RBFOX1: variants seen among roughly 807,000 people sequenced by gnomAD.
RBFOX1 encodes the protein RNA binding protein fox-1 homolog 1.
A neutral mutation model predicts 57.7 loss-of-function variants in RBFOX1; 8 were observed. The ratio of observed to expected loss-of-function variants is 0.14; its 90% CI spans 0.08 to 0.25. RBFOX1 has a LOEUF of 0.25. Among genes scored for constraint, RBFOX1 ranks in the 10% least tolerant of loss-of-function variants. RBFOX1 has a pLI of 1.00. For missense variants in RBFOX1, 611 were observed against 548.5 expected, an observed-to-expected ratio of 1.11 and a Z score of -1.14; for synonymous variants, 326 against 222.4, an observed-to-expected ratio of 1.47 and a Z score of -4.15.
At chr16:6,802,619 G>T (rs950916668) in intron 3 of RBFOX1, among the ~76,000 whole-genome samples, 1 of 152,214 alleles carries the variant, frequency 6.6e-6, no homozygotes, top group Non-Finnish European at 1.5e-5. Flanking sequence ...CGAGATTGCA[G>T]TGAGTTGAGA....
chr16:5,239,990 T>A, exon 1 of RBFOX1: 1 of 1,530,390 alleles, frequency 6.5e-7, no homozygotes, highest in Non-Finnish European at 8.7e-7. Context: ...GAGAAGAGGC[T>A]GCGGCTGGGG....
Position 6,519,852 on chromosome 16 carries a change from G to C in RBFOX1, c.-63-134751G>C, listed in dbSNP as rs535467093. Among the ~76,000 whole-genome samples, 4 of 152,194 alleles carry C rather than the reference G, an allele frequency of 2.6e-5. No individual in the cohort carries two copies. In the South Asian group the frequency reaches 6.2e-4, roughly 24 times the overall value. ...ATTTCATAGGACTGAGGGTTAGCAA[G>C]ATGAAAGGACTTAACCAGAACTAAG... On this transcript the variant is annotated intron_variant, in intron 2 of 15. Coordinates refer to ENST00000550418, the MANE Select transcript of RBFOX1 (RefSeq NM_018723.4).
chr16:6,389,545 A>G (rs1020417798), intron 2 of RBFOX1, among the ~76,000 whole-genome samples: 1 of 152,168 alleles, frequency 6.6e-6, no homozygotes, highest in African/African-American at 2.4e-5. Flanking sequence ...ATGAAGGTCC[A>G]CTTAGTCCAA....
chr16:5,607,116 G>T (rs1407582170), intron 3 of RBFOX1, among the ~76,000 whole-genome samples: 1 of 152,276 alleles, frequency 6.6e-6, no homozygotes, highest in Non-Finnish European at 1.5e-5. Context: ...GGGCTGGGGA[G>T]CAGAGGGGTC....
intron 4 of RBFOX1, among the ~76,000 whole-genome samples, chr16:7,358,041 G>A (rs530581518): frequency 2.0e-5 from 3 of 152,258 alleles, no homozygotes; most frequent in South Asian, 2.1e-4. Flanking sequence ...ACCTGAGCTC[G>A]AACCAGCCTT....
chr16:7,150,582 C>T (rs116731245), intron 4 of RBFOX1, among the ~76,000 whole-genome samples: 17 of 152,294 alleles, frequency 1.1e-4, no homozygotes, highest in African/African-American at 2.6e-4. Context: ...TATTACATTA[C>T]GTGGCTCACT....
chr16:5,754,145 G>T (rs906105587), intron 3 of RBFOX1, among the ~76,000 whole-genome samples: 7 of 152,116 alleles, frequency 4.6e-5, no homozygotes, highest in Non-Finnish European at 1.0e-4. Flanking sequence ...TCCTGGAGTT[G>T]GCATAATACA....
At chr16:6,430,499 G>C (rs1456974199) in intron 2 of RBFOX1, among the ~76,000 whole-genome samples, 3 of 152,190 alleles carry the variant, frequency 2.0e-5, no homozygotes, top group Non-Finnish European at 4.4e-5. Flanking sequence ...CTCAAGTGGA[G>C]TTGAATTAGG....
At chr16:5,979,651 C>T (rs897781681) in intron 4 of RBFOX1, among the ~76,000 whole-genome samples, 6 of 152,106 alleles carry the variant, frequency 3.9e-5, no homozygotes, top group African/African-American at 1.2e-4. Context: ...ATCACGAAGT[C>T]AAGAGATCAA....
At chr16:7,166,451 G>C (rs2079527694) in intron 4 of RBFOX1, among the ~76,000 whole-genome samples, 1 of 152,156 alleles carries the variant, frequency 6.6e-6, no homozygotes, top group Admixed American at 6.5e-5. Context: ...TGATTCAGAG[G>C]GGAGGGGGAA....
At chr16:6,923,662 C>T (rs945061443) in intron 3 of RBFOX1, among the ~76,000 whole-genome samples, 1 of 152,132 alleles carries the variant, frequency 6.6e-6, no homozygotes, top group African/African-American at 2.4e-5. Flanking sequence ...CAGATATACC[C>T]ACACACCCTT....
At chr16:7,156,859 A>T (rs928692078) in intron 4 of RBFOX1, among the ~76,000 whole-genome samples, 2 of 152,168 alleles carry the variant, frequency 1.3e-5, no homozygotes, top group African/African-American at 2.4e-5. Context: ...AGATCGATTT[A>T]CTTTTCATAG....
chr16:6,566,562 A>G (rs2097269241), intron 2 of RBFOX1, among the ~76,000 whole-genome samples: 2 of 152,156 alleles, frequency 1.3e-5, no homozygotes, highest in South Asian at 4.1e-4. Flanking sequence ...CTATTTGTCG[A>G]GACCTTTGTT....
At chr16:6,831,071 C>T (rs751418218) in intron 3 of RBFOX1, among the ~76,000 whole-genome samples, 60 of 152,314 alleles carry the variant, frequency 3.9e-4, no homozygotes, top group African/African-American at 1.2e-3. Context: ...TGTACCTCAA[C>T]CTCCATCTAA....
chr16:7,618,771 AATGTAGTTTTGAAG>A (rs1568125818), intron 10 of RBFOX1, among the ~76,000 whole-genome samples: 1 of 152,228 alleles, frequency 6.6e-6, no homozygotes. Context: ...GTCTTTTGAA[AATGTAGTTTTGAAG>A]AACCAACTGA....
At chr16:5,700,002 T>G (rs946696879) in intron 3 of RBFOX1, among the ~76,000 whole-genome samples, 3 of 151,960 alleles carry the variant, frequency 2.0e-5, no homozygotes, top group African/African-American at 7.3e-5. Context: ...CCGGCTAATT[T>G]TTTGTATTTT....
chr16:7,351,651 C>T (rs2097131930), intron 4 of RBFOX1, among the ~76,000 whole-genome samples: 1 of 152,192 alleles, frequency 6.6e-6, no homozygotes, highest in Admixed American at 6.5e-5. Context: ...CATTAGCTCA[C>T]TTGTTCTCTT....
intron 2 of RBFOX1, among the ~76,000 whole-genome samples, chr16:6,404,770 G>T (rs1484178254): frequency 6.6e-6 from 1 of 152,078 alleles, no homozygotes; most frequent in Non-Finnish European, 1.5e-5. Context: ...ACTTCACATT[G>T]CTTCAAAGAA....
At chr16:5,573,831 G>A (rs914295351) in intron 2 of RBFOX1, among the ~76,000 whole-genome samples, 3 of 152,130 alleles carry the variant, frequency 2.0e-5, no homozygotes, top group African/African-American at 4.8e-5. Flanking sequence ...GCGTGTGCCT[G>A]TAGTCCCAGC....
Sources: allele counts gnomAD v4.1 joint callset (sites outside exome capture counted in the v4.1 genomes callset), GRCh38; gene constraint gnomAD v4.1.1; transcripts MANE v1.5; gene names NCBI Gene and HGNC (gene_info 2026-07-23, HGNC 2026-07-21).